ZFAND3: variants seen among roughly 807,000 people sequenced by gnomAD.
The protein encoded by ZFAND3 is AN1-type zinc finger protein 3.
In ZFAND3, 10 loss-of-function variants were observed where a neutral mutation model predicts 29.6. The observed-to-expected ratio is 0.34, with a 90% CI of 0.21 to 0.57. ZFAND3 has a LOEUF of 0.57. Among genes scored for constraint, ZFAND3 ranks in the 20% least tolerant of loss-of-function variants. ZFAND3 has a pLI of 0.86. For missense variants in ZFAND3, 230 were observed against 304.5 expected (o/e 0.76, Z 1.82); for synonymous variants, 128 against 112.6 (o/e 1.14, Z -0.87).
At chr6:38,096,840 G>A (rs1223093655) in intron 4 of ZFAND3, among the ~76,000 whole-genome samples, 2 of 150,990 alleles carry the variant, frequency 1.3e-5, no homozygotes, top group Admixed American at 6.6e-5. Flanking sequence ...ATTTTTTTTC[G>A]TAATGTTCTT....
At chr6:38,019,693 C>G (rs183890925) in intron 2 of ZFAND3, among the ~76,000 whole-genome samples, 2 of 152,216 alleles carry the variant, frequency 1.3e-5, no homozygotes, top group East Asian at 3.9e-4. Context: ...TGATGAAAGA[C>G]ATCTTAAACA....
At chr6:37,826,815 C>T (rs1763769154) in intron 1 of ZFAND3, among the ~76,000 whole-genome samples, 2 of 151,868 alleles carry the variant, frequency 1.3e-5, no homozygotes, top group African/African-American at 4.8e-5. Flanking sequence ...TGGCACTGCC[C>T]AGTATGGTGG....
At chr6:38,016,411 G>A (rs1478271820) in intron 2 of ZFAND3, among the ~76,000 whole-genome samples, 1 of 152,144 alleles carries the variant, frequency 6.6e-6, no homozygotes, top group Non-Finnish European at 1.5e-5. Context: ...TGTATGACTG[G>A]CATAATTAAA....
chr6:38,122,963 T>A (rs942853719), intron 5 of ZFAND3, among the ~76,000 whole-genome samples: 1 of 152,086 alleles, frequency 6.6e-6, no homozygotes, highest in African/African-American at 2.4e-5. Context: ...AGTCTTGGAG[T>A]CAAATGAGGA....
intron 2 of ZFAND3, among the ~76,000 whole-genome samples, chr6:37,983,714 A>G (rs1274389769): frequency 2.0e-5 from 3 of 151,116 alleles, no homozygotes; most frequent in South Asian, 2.1e-4. Flanking sequence ...CTGTTTTCAG[A>G]TATGTTTAGA....
intron 4 of ZFAND3, among the ~76,000 whole-genome samples, chr6:38,091,473 ATTTTTTTTTTTT>A (rs5875611): frequency 3.3e-4 from 24 of 73,680 alleles, no homozygotes; most frequent in Admixed American, 1.1e-3. Context: ...AAACTTTAGG[ATTTTTTTTTTTT>A]TTTTTTTTTT....
At chr6:38,077,065 G>A (rs1304240909) in intron 3 of ZFAND3, among the ~76,000 whole-genome samples, 1 of 150,986 alleles carries the variant, frequency 6.6e-6, no homozygotes, top group Non-Finnish European at 1.5e-5. Context: ...AGGAAACAGT[G>A]CAGTTTGTTT....
chr6:38,125,582 G>A (rs1418598628), intron 5 of ZFAND3, among the ~76,000 whole-genome samples: 1 of 152,168 alleles, frequency 6.6e-6, no homozygotes, highest in Admixed American at 6.5e-5. Context: ...TTATCCCATG[G>A]CATGAGATAA....
intron 2 of ZFAND3, among the ~76,000 whole-genome samples, chr6:37,959,942 T>G (rs1295229487): frequency 6.6e-6 from 1 of 152,242 alleles, no homozygotes; most frequent in Non-Finnish European, 1.5e-5. Context: ...TCTGCTTTGT[T>G]TACTGCCTTA....
chr6:37,858,147 T>C (rs1366186368), intron 1 of ZFAND3, among the ~76,000 whole-genome samples: 1 of 152,180 alleles, frequency 6.6e-6, no homozygotes, highest in Non-Finnish European at 1.5e-5. Flanking sequence ...TAGTTGCCCT[T>C]GTTGAGCCAA....
chr6:38,052,812 G>A (rs900584756), intron 2 of ZFAND3, among the ~76,000 whole-genome samples: 1 of 152,000 alleles, frequency 6.6e-6, no homozygotes, highest in African/African-American at 2.4e-5. Flanking sequence ...CGAGGCTGAG[G>A]CAGGGAGATC....
chr6:37,832,311 C>T (rs1763877552), intron 1 of ZFAND3, among the ~76,000 whole-genome samples: 1 of 152,142 alleles, frequency 6.6e-6, no homozygotes, highest in South Asian at 2.1e-4. Context: ...CAGGGTCTGA[C>T]ATGGACTGCA....
intron 2 of ZFAND3, among the ~76,000 whole-genome samples, chr6:37,991,963 A>AT (rs2127435857): frequency 6.6e-6 from 1 of 152,204 alleles, no homozygotes; most frequent in South Asian, 2.1e-4. Context: ...AAATGTTAAG[A>AT]TTTTTTTGCC....
intron 2 of ZFAND3, among the ~76,000 whole-genome samples, chr6:37,934,838 C>CAAA (rs61670894): frequency 2.8e-5 from 2 of 70,606 alleles, no homozygotes; most frequent in African/African-American, 1.1e-4. Flanking sequence ...GACTCTGTCT[C>CAAA]AAAAAAAAAA....
intron 5 of ZFAND3, chr6:38,142,917 C>T (rs1358172420): frequency 6.5e-6 from 1 of 153,618 alleles, no homozygotes; most frequent in Admixed American, 6.4e-5. Context: ...ATAAAACAGC[C>T]TAGCATATGA....
Position 37,988,572 on chromosome 6 carries a change from G to A in ZFAND3, c.112+58573G>A, listed in dbSNP as rs1274332352. On this transcript the variant is annotated intron_variant, in intron 2 of 5. Coordinates refer to ENST00000287218, the MANE Select transcript of ZFAND3 (RefSeq NM_021943.3). Reference sequence around the variant, plus strand: ...GTTTATAAGCTTACTGTTTTTTGTTGTTTTGCAAAATTAAAATATATTGCT... The same window carrying A: ...GTTTATAAGCTTACTGTTTTTTGTTATTTTGCAAAATTAAAATATATTGCT... Among the ~76,000 whole-genome samples, 3 of 151,990 alleles carry A rather than the reference G, an allele frequency of 2.0e-5. No homozygotes were observed. In the South Asian group the frequency reaches 6.2e-4, roughly 32 times the overall value.
At chr6:38,004,604 A>T (rs892111209) in intron 2 of ZFAND3, among the ~76,000 whole-genome samples, 2 of 151,980 alleles carry the variant, frequency 1.3e-5, no homozygotes, top group Admixed American at 1.3e-4. Flanking sequence ...TATTAAATGT[A>T]ACAATATTTT....
chr6:38,079,855 G>A (rs1764626347), intron 3 of ZFAND3, among the ~76,000 whole-genome samples: 1 of 152,058 alleles, frequency 6.6e-6, no homozygotes, highest in Non-Finnish European at 1.5e-5. Context: ...AAAATTTCCA[G>A]GGTCAGGGCT....
At chr6:38,111,037 A>G (rs1765305635) in intron 4 of ZFAND3, among the ~76,000 whole-genome samples, 1 of 152,244 alleles carries the variant, frequency 6.6e-6, no homozygotes, top group Non-Finnish European at 1.5e-5. Flanking sequence ...AACAAATGTG[A>G]ATTTCTGCCA....
Sources: allele counts gnomAD v4.1 joint callset (sites outside exome capture counted in the v4.1 genomes callset), GRCh38; gene constraint gnomAD v4.1.1; transcripts MANE v1.5; gene names NCBI Gene and HGNC (gene_info 2026-07-23, HGNC 2026-07-21).